The following IL20RA variants were observed in gnomAD, a reference collection of about 807,000 sequenced individuals.
IL20RA encodes interleukin 20 receptor subunit alpha.
IL20RA carries 29 observed loss-of-function variants against 36.5 expected under a neutral mutation model. The ratio of observed to expected loss-of-function variants is 0.79; its 90% CI spans 0.59 to 1.08. The LOEUF (loss-of-function observed/expected upper bound fraction) is 1.08, where lower values mean the gene tolerates loss of function less well. Among genes scored for constraint, IL20RA ranks in the 50% least tolerant of loss-of-function variants. The probability of loss-of-function intolerance (pLI) is 0.00; values close to 1 mark genes in which losing one functional copy is unlikely to be tolerated. For synonymous variants in IL20RA, 279 were observed against 267.1 expected (o/e 1.04, Z -0.43); for missense variants, 652 against 668.4 (o/e 0.98, Z 0.27).
Position 137,001,586 on chromosome 6 carries a change from C to A in IL20RA, c.1634G>T (p.Trp545Leu), listed in dbSNP as rs751386481. 6.8e-5 allele frequency: 108 copies of A among 1,584,538 alleles called. No homozygotes were observed. Among genetic ancestry groups the A allele is most frequent in the Non-Finnish European group, 8.8e-5 (103 of 1,164,376 alleles). ...ETYLMQFMEE[W>L]GLYVQMEN ...GTTTTCCATCTGCACATATAACCCC[C>A]ATTCCTCCATGAATTGCATGAGATA... is the stretch of plus-strand genomic sequence containing the variant. The change falls in exon 7 of 7, where the codon TGG (tryptophan) becomes TTG (leucine). Residue 545 changes from tryptophan (W) to leucine (L), a missense_variant. By Grantham distance (61) the Trp-to-Leu change is moderately conservative. Coordinates refer to ENST00000316649, the MANE Select transcript of IL20RA (RefSeq NM_014432.4).
intron 6 of IL20RA, among the ~76,000 whole-genome samples, chr6:137,004,103 T>C (rs980795861): frequency 9.4e-5 from 14 of 149,554 alleles, no homozygotes; most frequent in African/African-American, 2.9e-4. Flanking sequence ...GGTGGTTAAA[T>C]AGAACATCTT....
chr6:137,028,595 C>A lies in IL20RA; in HGVS notation c.89-11492G>T, dbSNP rs182296353. ...TGGTGTTATTTCTTTATGGCCACACCTCAGTAAGTAAATCTATGTGCTTAA... is the reference window on the plus strand; with the variant it reads ...TGGTGTTATTTCTTTATGGCCACACATCAGTAAGTAAATCTATGTGCTTAA... On this transcript the variant is annotated intron_variant, in intron 1 of 6. Transcript: ENST00000316649. Among the ~76,000 whole-genome samples the A allele has an allele frequency of 4.1e-4, 62 of 152,174 alleles. No individual in the cohort carries two copies. The East Asian group carries it at 9.1e-3, about 22-fold the overall frequency.
At chr6:137,007,470 T>C (rs969808530) in intron 5 of IL20RA, among the ~76,000 whole-genome samples, 13 of 152,168 alleles carry the variant, frequency 8.5e-5, no homozygotes, top group African/African-American at 3.1e-4. Flanking sequence ...GTGGAGGTCG[T>C]CGGCCTCTGT....
Position 137,044,753 on chromosome 6 carries a change from CG to C in IL20RA, c.-26del. 2.5e-6 allele frequency: 3 copies of C among 1,212,606 alleles called. No homozygotes were observed. Among genetic ancestry groups the C allele is most frequent in the Middle Eastern group, 3.2e-4 (1 of 3,100 alleles). 75.1% of individuals were successfully genotyped at this position (1,212,606 alleles called of 1,614,324 possible). A position where few individuals can be genotyped will look rare whatever the true frequency, so the allele number is the denominator to read the frequency against. ...TGGGCGGCGGGGCTGGGTCACATGT[CG>C]GGGGGCAGCAGACTGCTCAGTCCCA... On this transcript the variant is annotated 5_prime_UTR_variant, in exon 1 of 7. Coordinates refer to ENST00000316649, the MANE Select transcript of IL20RA (RefSeq NM_014432.4).
At chr6:137,034,244 T>A (rs1337382064) in intron 1 of IL20RA, among the ~76,000 whole-genome samples, 1 of 152,164 alleles carries the variant, frequency 6.6e-6, no homozygotes, top group Non-Finnish European at 1.5e-5. Flanking sequence ...GGATTTTTGT[T>A]TGTTTGTTCA....
intron 6 of IL20RA, 82 bp downstream of exon 6, chr6:137,004,539 T>G (rs1176577674): frequency 7.7e-7 from 1 of 1,304,678 alleles, no homozygotes; most frequent in Admixed American, 2.1e-5. Flanking sequence ...TAAAGGGAAC[T>G]GAATCTGTTC....
chr6:137,016,183 C>G (rs1165828223), intron 2 of IL20RA, among the ~76,000 whole-genome samples: 1 of 152,172 alleles, frequency 6.6e-6, no homozygotes, highest in Non-Finnish European at 1.5e-5. Flanking sequence ...CCACAATGGA[C>G]ATGTCCTGTG....
chr6:137,044,893 A>C lies in IL20RA; in HGVS notation c.-165T>G. On this transcript the variant is annotated 5_prime_UTR_variant, in exon 1 of 7. Transcript: ENST00000316649. The stretch of plus-strand genomic sequence containing the variant: ...CGCCTCCGCCACAGCCGCGTCCCCC[A>C]GGCTTCCCCAGAAACCAAGGGCGAG... 1.8e-6 allele frequency: 1 copy of C among 553,660 alleles called. No individual in the cohort carries two copies. The allele number at this position is 553,660 out of a possible 1,614,324, so 34.3% of individuals were successfully genotyped here. A position where few individuals can be genotyped will look rare whatever the true frequency, so the allele number is the denominator to read the frequency against.
chr6:137,042,590 C>T lies in IL20RA; in HGVS notation c.88+2051G>A, dbSNP rs569126429. On this transcript the variant is annotated intron_variant, in intron 1 of 6. Transcript: ENST00000316649. Reference sequence around the variant, plus strand: ...CGTGTTGCACCTGCCTTGAGGGAGCCGCATAGACATTTTGAATTCCATTAC... The same window carrying T: ...CGTGTTGCACCTGCCTTGAGGGAGCTGCATAGACATTTTGAATTCCATTAC... Among the ~76,000 whole-genome samples, 8 of 152,150 alleles carry T rather than the reference C, an allele frequency of 5.3e-5. No homozygotes were observed. The South Asian group carries it at 1.5e-3, about 28-fold the overall frequency.
At chr6:137,042,488 G>A (rs1474285149) in intron 1 of IL20RA, among the ~76,000 whole-genome samples, 1 of 152,168 alleles carries the variant, frequency 6.6e-6, no homozygotes, top group African/African-American at 2.4e-5. Context: ...TGGCCAATAG[G>A]GCGGAGTTTG....
chr6:137,043,876 A>T (rs1800857374), intron 1 of IL20RA, among the ~76,000 whole-genome samples: 2 of 152,214 alleles, frequency 1.3e-5, no homozygotes, highest in South Asian at 4.1e-4. Flanking sequence ...TACAGGGAAA[A>T]AAAGCAATCA....
At chr6:137,044,180 G>C in intron 1 of IL20RA, 2 of 986,380 alleles carry the variant, frequency 2.0e-6, no homozygotes, top group South Asian at 4.7e-5. Flanking sequence ...CTCGCGACGC[G>C]CGGCTTGCAG....
At chr6:137,026,696 C>T (rs567063730) in intron 1 of IL20RA, among the ~76,000 whole-genome samples, 6 of 152,284 alleles carry the variant, frequency 3.9e-5, no homozygotes, top group Non-Finnish European at 7.4e-5. Context: ...GACATTCTAA[C>T]CGCCGAAGAG....
intron 5 of IL20RA, among the ~76,000 whole-genome samples, chr6:137,007,536 G>A (rs1775321561): frequency 1.3e-5 from 2 of 152,170 alleles, no homozygotes; most frequent in South Asian, 4.1e-4. Flanking sequence ...AGAGCCCTTC[G>A]ATGCAGGCAA....
rs1184001929 is a variant in IL20RA, at chr6:137,009,495, TA to T, written c.404-4del. 1 of 1,591,566 alleles carries T rather than the reference TA, an allele frequency of 6.3e-7. No individual in the cohort carries two copies. Among genetic ancestry groups the T allele is most frequent in the Non-Finnish European group, 8.6e-7 (1 of 1,159,812 alleles). On this transcript the variant is annotated splice_polypyrimidine_tract_variant and splice_region_variant and intron_variant, in intron 3 of 6. Transcript: ENST00000316649. ...CACCTCTGGTGGGCCAATTTGTGCT[TA>T]AAGGGGGAGAAAGAGGGTATTATCA...
At chr6:137,012,125 A>G (rs1209871195) in intron 2 of IL20RA, among the ~76,000 whole-genome samples, 1 of 152,148 alleles carries the variant, frequency 6.6e-6, no homozygotes, top group Non-Finnish European at 1.5e-5. Flanking sequence ...ACATGTGATA[A>G]GCCAGTGAAA....
chr6:137,044,602 G>A, intron 1 of IL20RA, 39 bp downstream of exon 1: 1 of 1,219,138 alleles, frequency 8.2e-7, no homozygotes, highest in South Asian at 4.2e-5. Context: ...CCGGCCTGGA[G>A]GCATCCCCGA....
chr6:137,030,529 C>T (rs1776242900), intron 1 of IL20RA, among the ~76,000 whole-genome samples: 1 of 152,136 alleles, frequency 6.6e-6, no homozygotes, highest in African/African-American at 2.4e-5. Flanking sequence ...TGGGTGCCTC[C>T]TTTACTCATA....
At chr6:137,011,890 A>G (rs189282348) in intron 2 of IL20RA, among the ~76,000 whole-genome samples, 1 of 152,200 alleles carries the variant, frequency 6.6e-6, no homozygotes, top group Admixed American at 6.5e-5. Context: ...TTCTCATAGC[A>G]TATAAAAATC....
Sources: gnomAD v4.1 joint callset for allele counts (sites outside exome capture counted in the v4.1 genomes callset) on GRCh38, gnomAD v4.1.1 for gene constraint, MANE v1.5 for transcripts, NCBI Gene and HGNC (gene_info 2026-07-23, HGNC 2026-07-21) for gene names.